Variants in TXNRD1 observed in about 807,000 individuals in gnomAD.
TXNRD1 encodes thioredoxin reductase 1, cytoplasmic.
In TXNRD1, 57 loss-of-function variants were observed where a neutral mutation model predicts 80.3. That is an observed-to-expected ratio of 0.71 (90% CI 0.57 to 0.89). The LOEUF (loss-of-function observed/expected upper bound fraction) is 0.89. Ranked by LOEUF, TXNRD1 falls within the 40% of genes least tolerant of loss-of-function variation. The pLI, the probability that TXNRD1 is intolerant of heterozygous loss-of-function variation, is 0.00. For missense variants in TXNRD1, 730 were observed against 803.0 expected, an observed-to-expected ratio of 0.91 and a Z score of 1.10; for synonymous variants, 291 against 285.2, an observed-to-expected ratio of 1.02 and a Z score of -0.20.
At chr12:104,345,954 A>C (rs1227492990) in intron 16 of TXNRD1, 3 of 1,288,468 alleles carry the variant, frequency 2.3e-6, no homozygotes, top group African/African-American at 1.5e-5. Flanking sequence ...TTTTAAAAAT[A>C]CATGTTTTTA....
chr12:104,231,323 G>A (rs112518317), intron 1 of TXNRD1, among the ~76,000 whole-genome samples: 15 of 152,214 alleles, frequency 9.9e-5, no homozygotes, highest in African/African-American at 3.6e-4. Flanking sequence ...CCCCTCCTGG[G>A]GTCGATAAGG....
At chr12:104,348,081 G>C (rs1326897712) in intron 16 of TXNRD1, among the ~76,000 whole-genome samples, 1 of 152,124 alleles carries the variant, frequency 6.6e-6, no homozygotes, top group Non-Finnish European at 1.5e-5. Context: ...GCACCTGTGG[G>C]TACCTGATCT....
intron 3 of TXNRD1, among the ~76,000 whole-genome samples, chr12:104,270,008 G>C (rs775690115): frequency 2.0e-5 from 3 of 152,116 alleles, no homozygotes; most frequent in Non-Finnish European, 4.4e-5. Context: ...ACCATGCCTG[G>C]CCTTCTCTTC....
chr12:104,246,415 G>A (rs1220480716), intron 1 of TXNRD1, among the ~76,000 whole-genome samples: 3 of 151,178 alleles, frequency 2.0e-5, no homozygotes, highest in Non-Finnish European at 2.9e-5. Flanking sequence ...GCGACAGTGC[G>A]AGACTCCATC....
At chr12:104,243,349 A>C (rs1019234943) in intron 1 of TXNRD1, among the ~76,000 whole-genome samples, 1 of 152,144 alleles carries the variant, frequency 6.6e-6, no homozygotes, top group Non-Finnish European at 1.5e-5. Flanking sequence ...TCAGAAACAC[A>C]TATAACTACT....
At chr12:104,288,600 T>A (rs2034055608) in intron 3 of TXNRD1, 1 of 423,722 alleles carries the variant, frequency 2.4e-6, no homozygotes. Context: ...TTGAAGCTTT[T>A]CTGAATTCGG....
chr12:104,347,589 C>T (rs140548015), intron 16 of TXNRD1, among the ~76,000 whole-genome samples: 1 of 152,276 alleles, frequency 6.6e-6, no homozygotes, highest in Admixed American at 6.5e-5. Flanking sequence ...CAGTTGTACT[C>T]CAGCTCTGTG....
intron 14 of TXNRD1, among the ~76,000 whole-genome samples, chr12:104,333,942 C>T (rs1410964737): frequency 6.6e-6 from 1 of 152,120 alleles, no homozygotes; most frequent in Non-Finnish European, 1.5e-5. Context: ...TGTATGACAG[C>T]AGGTAATTAA....
At chr12:104,228,627 C>G (rs1234237719) in intron 1 of TXNRD1, among the ~76,000 whole-genome samples, 1 of 152,164 alleles carries the variant, frequency 6.6e-6, no homozygotes, top group Admixed American at 6.5e-5. Flanking sequence ...GTGAAACTCT[C>G]TCTCAAAATA....
intron 1 of TXNRD1, among the ~76,000 whole-genome samples, chr12:104,251,029 C>A (rs1382337349): frequency 6.6e-6 from 1 of 152,194 alleles, no homozygotes; most frequent in Non-Finnish European, 1.5e-5. Flanking sequence ...AGTCTTGCTG[C>A]ATCTTGCCTG....
At chr12:104,267,559 C>T (rs1225169388) in intron 3 of TXNRD1, among the ~76,000 whole-genome samples, 2 of 151,494 alleles carry the variant, frequency 1.3e-5, no homozygotes, top group African/African-American at 4.9e-5. Context: ...GAGACTATCC[C>T]GTAGAACCTT....
At chr12:104,336,342 C>T (rs927656879) in intron 15 of TXNRD1, among the ~76,000 whole-genome samples, 1 of 152,146 alleles carries the variant, frequency 6.6e-6, no homozygotes, top group Admixed American at 6.5e-5. Context: ...ACAGTGTTTT[C>T]GGTTATTTTC....
intron 13 of TXNRD1, among the ~76,000 whole-genome samples, chr12:104,330,200 G>A (rs2135859988): frequency 6.6e-6 from 1 of 152,270 alleles, no homozygotes; most frequent in Admixed American, 6.5e-5. Context: ...GTTTTAGAGA[G>A]TGAGAATTGT....
chr12:104,293,857 G>A (rs1362709133), intron 4 of TXNRD1, among the ~76,000 whole-genome samples: 4 of 152,220 alleles, frequency 2.6e-5, no homozygotes, highest in Non-Finnish European at 5.9e-5. Flanking sequence ...CAAGGCAGAA[G>A]GGGCAGGGTA....
Position 104,299,301 on chromosome 12 carries a change from T to C in TXNRD1, c.414+10261T>C, listed in dbSNP as rs1451103721. Among the ~76,000 whole-genome samples, 9 of 151,830 alleles carry C rather than the reference T, an allele frequency of 5.9e-5. 1 individual carries two copies. Among genetic ancestry groups the C allele is most frequent in the Admixed American group, 3.9e-4 (6 of 15,222 alleles). On this transcript the variant is annotated intron_variant, in intron 4 of 16. Coordinates refer to ENST00000525566, the MANE Select transcript of TXNRD1 (RefSeq NM_001093771.3). Reference sequence around the variant, plus strand: ...TGGCTAAGATAATACTAATAGGTAATAGGTCAAGATTGGAACCCAGATCGT... The same window carrying C: ...TGGCTAAGATAATACTAATAGGTAACAGGTCAAGATTGGAACCCAGATCGT...
At chr12:104,291,683 C>T (rs1404227834) in intron 4 of TXNRD1, among the ~76,000 whole-genome samples, 2 of 152,060 alleles carry the variant, frequency 1.3e-5, no homozygotes, top group Non-Finnish European at 2.9e-5. Context: ...AAGGTTTCAC[C>T]ATCTTGGCCA....
At chr12:104,256,729 G>A (rs1428087488) in intron 2 of TXNRD1, among the ~76,000 whole-genome samples, 1 of 143,520 alleles carries the variant, frequency 7.0e-6, no homozygotes, top group African/African-American at 2.6e-5. Context: ...GCAGTGAGCC[G>A]AGATAGTGCC....
At chr12:104,267,657 CTTTCT>C (rs1565870056) in intron 3 of TXNRD1, among the ~76,000 whole-genome samples, 135 of 31,240 alleles carry the variant, frequency 4.3e-3, no homozygotes, top group African/African-American at 0.015. Context: ...ATCTTTCTTT[CTTTCT>C]TTCTTTCTTT....
chr12:104,339,898 T>G (rs2036265223), intron 16 of TXNRD1, among the ~76,000 whole-genome samples: 1 of 152,216 alleles, frequency 6.6e-6, no homozygotes, highest in Non-Finnish European at 1.5e-5. Context: ...TTGCAGTGAT[T>G]ATCTGTTGTA....
Sources: allele counts gnomAD v4.1 joint callset (sites outside exome capture counted in the v4.1 genomes callset), GRCh38; gene constraint gnomAD v4.1.1; transcripts MANE v1.5; gene names NCBI Gene and HGNC (gene_info 2026-07-23, HGNC 2026-07-21).